The following CERS4 variants were observed in gnomAD, a reference collection of about 807,000 sequenced individuals.
The protein encoded by CERS4 is LAG1 homolog, ceramide synthase 4.
A neutral mutation model predicts 51.8 loss-of-function variants in CERS4; 65 were observed. That is an observed-to-expected ratio of 1.26 (90% CI 1.03 to 1.54). The LOEUF (loss-of-function observed/expected upper bound fraction) is 1.54, where lower values mean the gene tolerates loss of function less well. Ranked by LOEUF, CERS4 falls within the 40% of genes most tolerant of loss-of-function variation. The pLI, the probability that CERS4 is intolerant of heterozygous loss-of-function variation, is 0.00. For synonymous variants in CERS4, 228 were observed against 208.4 expected, an observed-to-expected ratio of 1.09 and a Z score of -0.81; for missense variants, 563 against 500.4, an observed-to-expected ratio of 1.13 and a Z score of -1.19.
intron 2 of CERS4, among the ~76,000 whole-genome samples, chr19:8,220,314 T>C (rs867264243): frequency 7.2e-5 from 11 of 152,030 alleles, no homozygotes; most frequent in South Asian, 6.3e-4. Flanking sequence ...CCCTCTCTCT[T>C]CTTTTCTGGA....
At chr19:8,255,521 G>A (rs1811272578) in intron 4 of CERS4, 86 bp from the exon 5 acceptor site, 1 of 1,175,764 alleles carries the variant, frequency 8.5e-7, no homozygotes, top group East Asian at 2.4e-5. Flanking sequence ...CTGCAGTGGA[G>A]AGGGCAGAGC....
intron 2 of CERS4, among the ~76,000 whole-genome samples, chr19:8,213,378 C>A (rs1341003999): frequency 6.6e-6 from 1 of 152,046 alleles, no homozygotes; most frequent in Non-Finnish European, 1.5e-5. Flanking sequence ...GTGGCATGAT[C>A]ATAACTCACT....
chr19:8,261,682 C>G lies in CERS4; in HGVS notation c.849-6C>G, dbSNP rs1327451009. ...CCCCAGCCTCCTCCTCTCCCCCTGG[C>G]TGTAGGATCCTCTACACCACATACT... On this transcript the variant is annotated splice_region_variant and splice_polypyrimidine_tract_variant and intron_variant, in intron 10 of 11. Coordinates refer to ENST00000251363, the MANE Select transcript of CERS4 (RefSeq NM_024552.3). 5 of 1,613,958 alleles carry G rather than the reference C, an allele frequency of 3.1e-6. No individual in the cohort carries two copies. Among genetic ancestry groups the G allele is most frequent in the Non-Finnish European group, 4.2e-6 (5 of 1,179,942 alleles).
intron 3 of CERS4, among the ~76,000 whole-genome samples, chr19:8,252,980 G>A (rs1029604535): frequency 4.6e-5 from 7 of 152,184 alleles, no homozygotes; most frequent in Non-Finnish European, 1.0e-4. Flanking sequence ...CTGAGTTAGG[G>A]TTAGACGAGC....
At chr19:8,248,247 C>T (rs1483935759) in intron 2 of CERS4, among the ~76,000 whole-genome samples, 2 of 152,144 alleles carry the variant, frequency 1.3e-5, no homozygotes, top group African/African-American at 2.4e-5. Flanking sequence ...CCTGCTGTGT[C>T]GCCAAGGCCC....
rs757604075 is a variant in CERS4 at position 8,248,553 on chromosome 19, G to A, written c.-1-2523G>A. ...TGGATGGATGATGGCTGGGTGGACA[G>A]ATGTTTAGATGGGTGGACAGATGGA... On this transcript the variant is annotated intron_variant, in intron 2 of 11. Coordinates refer to ENST00000251363, the MANE Select transcript of CERS4 (RefSeq NM_024552.3). Among the ~76,000 whole-genome samples, 4 of 151,872 alleles carry A rather than the reference G, an allele frequency of 2.6e-5. 1 individual carries two copies. Among genetic ancestry groups the A allele is most frequent in the Admixed American group, 6.6e-5 (1 of 15,248 alleles).
At chr19:8,218,059 G>C (rs543450156) in intron 2 of CERS4, among the ~76,000 whole-genome samples, 14 of 152,004 alleles carry the variant, frequency 9.2e-5, no homozygotes, top group Non-Finnish European at 2.1e-4. Flanking sequence ...TTGCCTCCCG[G>C]GTTCAAGCGA....
At chr19:8,256,892 GT>G in intron 8 of CERS4, 56 bp from the exon 9 acceptor site, 1 of 1,612,710 alleles carries the variant, frequency 6.2e-7, no homozygotes, top group Non-Finnish European at 8.5e-7. Context: ...GGCCCATAGG[GT>G]GGGGGACCTT....
At chr19:8,219,941 C>A (rs1314395153) in intron 2 of CERS4, among the ~76,000 whole-genome samples, 2 of 151,692 alleles carry the variant, frequency 1.3e-5, no homozygotes, top group East Asian at 3.9e-4. Flanking sequence ...TATGATCATG[C>A]CACTGCACTC....
rs575824841 is a variant in CERS4 at position 8,238,289 on chromosome 19, A to AGGGAGGGGTATTGGCTG, written c.-1-12778_-1-12762dup. On this transcript the variant is annotated intron_variant, in intron 2 of 11. Coordinates refer to ENST00000251363, the MANE Select transcript of CERS4 (RefSeq NM_024552.3). Reference sequence around the variant, plus strand: ...TGGCTCAGAAGAAAGGTCTAGGGGCAGGGAGGGGTATTGGCTGGGGAGGGG... The same window carrying AGGGAGGGGTATTGGCTG: ...TGGCTCAGAAGAAAGGTCTAGGGGCAGGGAGGGGTATTGGCTGGGGAGGGGTATTGGCTGGGGAGGGG... Among the ~76,000 whole-genome samples, 42 of 151,878 alleles carry AGGGAGGGGTATTGGCTG rather than the reference A, an allele frequency of 2.8e-4. No homozygotes were observed. The East Asian group carries it at 7.8e-3, about 28-fold the overall frequency.
intron 2 of CERS4, among the ~76,000 whole-genome samples, chr19:8,215,961 G>C (rs1041064465): frequency 2.0e-5 from 3 of 152,140 alleles, no homozygotes; most frequent in African/African-American, 7.2e-5. Context: ...TCGAGTCCAG[G>C]ATGCCTGGCC....
intron 2 of CERS4, among the ~76,000 whole-genome samples, chr19:8,249,391 G>A (rs1199016672): frequency 6.6e-6 from 1 of 152,044 alleles, no homozygotes; most frequent in African/African-American, 2.4e-5. Flanking sequence ...AGCTCTTTGG[G>A]CTCCTCAAGC....
intron 2 of CERS4, among the ~76,000 whole-genome samples, chr19:8,247,477 T>C (rs1231641529): frequency 6.6e-6 from 1 of 152,100 alleles, no homozygotes; most frequent in East Asian, 1.9e-4. Flanking sequence ...TGGAGTATAG[T>C]GGTGTGATCG....
At position 8,256,989 on chromosome 19, in the gene CERS4, T is replaced by C. The variant is rs1310822580; in HGVS notation, c.653T>C (p.Ile218Thr). ...EQVIHHFVAV[I>T]LMTFSYSANL... is the part of the protein sequence containing the mutation. ...GTGATACACCACTTCGTGGCGGTCA[T>C]CCTGATGACCTTCTCCTACAGTGCC... Residue 218 changes from isoleucine (I) to threonine (T), a missense_variant, in exon 9 of 12, where the codon ATC (isoleucine) becomes ACC (threonine). Ile to Thr is a moderately conservative substitution (Grantham distance 89). Transcript: ENST00000251363. The C allele has an allele frequency of 1.2e-6, 2 of 1,614,018 alleles. No homozygotes were observed. Among genetic ancestry groups the C allele is most frequent in the African/African-American group, 2.7e-5 (2 of 74,938 alleles).
chr19:8,228,565 C>T (rs2927726), intron 2 of CERS4, among the ~76,000 whole-genome samples: 62,258 of 151,776 alleles, frequency 0.41, 13,475 homozygotes, highest in Non-Finnish European at 0.48. Flanking sequence ...ATCCCAGCTA[C>T]GCAGCAGGCT....
chr19:8,253,809 C>T (rs1461955795), intron 3 of CERS4, among the ~76,000 whole-genome samples: 1 of 151,936 alleles, frequency 6.6e-6, no homozygotes, highest in Admixed American at 6.6e-5. Context: ...AGGCTGGTCT[C>T]GAACTTCTGA....
chr19:8,252,639 A>G (rs556918614), intron 3 of CERS4, among the ~76,000 whole-genome samples: 3 of 152,118 alleles, frequency 2.0e-5, no homozygotes, highest in Non-Finnish European at 4.4e-5. Flanking sequence ...GGGTTTTGCC[A>G]TGTTGGCCAG....
At chr19:8,236,218 T>G (rs1317183148) in intron 2 of CERS4, among the ~76,000 whole-genome samples, 1 of 152,076 alleles carries the variant, frequency 6.6e-6, no homozygotes. Flanking sequence ...AAATGCCTTC[T>G]AGTTGAAAAG....
intron 10 of CERS4, chr19:8,261,217 G>A (rs1294775925): frequency 6.3e-6 from 1 of 157,834 alleles, no homozygotes; most frequent in African/African-American, 2.4e-5. Context: ...TTTACTCCTT[G>A]GGAGATGAGG....
Sources: gnomAD v4.1 joint callset for allele counts (sites outside exome capture counted in the v4.1 genomes callset) on GRCh38, gnomAD v4.1.1 for gene constraint, MANE v1.5 for transcripts, NCBI Gene and HGNC (gene_info 2026-07-23, HGNC 2026-07-21) for gene names.